AFDN: variants seen among roughly 807,000 people sequenced by gnomAD.
AFDN encodes the protein afadin.
AFDN carries 68 observed loss-of-function variants against 216.6 expected under a neutral mutation model. The observed-to-expected ratio is 0.31, with a 90% CI of 0.26 to 0.38. The LOEUF (loss-of-function observed/expected upper bound fraction) is 0.38. Ranked by LOEUF, AFDN falls within the 10% of genes least tolerant of loss-of-function variation. The pLI is 1.00. For missense variants in AFDN, 2,136 were observed against 2,342.0 expected (o/e 0.91, Z 1.82); for synonymous variants, 868 against 853.7 (o/e 1.02, Z -0.29).
intron 23 of AFDN, among the ~76,000 whole-genome samples, chr6:167,938,169 G>A (rs566276592): frequency 1.3e-5 from 2 of 152,280 alleles, no homozygotes; most frequent in South Asian, 2.1e-4. Flanking sequence ...GGTGAGCCTC[G>A]GAGGTGAATG....
Position 167,969,174 on chromosome 6 carries a change from A to T in AFDN, c.5318A>T (p.Asp1773Val), listed in dbSNP as rs1218732610. The change falls in exon 33 of 34, where the codon GAT becomes GTT. Residue 1773 changes from aspartate to valine, a missense_variant. Transcript: ENST00000683244. Reference sequence around the variant, plus strand: ...GTTGGAGCCCATGACGCCTGTCGGGATGCAAAAGAGAAGCGCTCTAAAAGG... The same window carrying T: ...GTTGGAGCCCATGACGCCTGTCGGGTTGCAAAAGAGAAGCGCTCTAAAAGG... Reference protein sequence around the residue: ...AAVGAHDACRDAKEKRSKSQD... With the variant: ...AAVGAHDACRVAKEKRSKSQD... 6.2e-7 allele frequency: 1 copy of T among 1,613,948 alleles called. No individual in the cohort carries two copies. The highest frequency in any genetic ancestry group is 2.2e-5 in the East Asian group (1 of 44,880).
chr6:167,925,968 G>C (rs1792475012), intron 23 of AFDN, among the ~76,000 whole-genome samples: 1 of 152,108 alleles, frequency 6.6e-6, no homozygotes, highest in South Asian at 2.1e-4. Context: ...TCTATCTCTA[G>C]GGAATATATG....
At chr6:167,867,385 T>C (rs1404446855) in intron 2 of AFDN, among the ~76,000 whole-genome samples, 1 of 152,118 alleles carries the variant, frequency 6.6e-6, no homozygotes, top group Admixed American at 6.5e-5. Context: ...TTTTGATAAC[T>C]AGCATTTCTA....
chr6:167,969,168 G>A lies in AFDN; in HGVS notation c.5312G>A (p.Cys1771Tyr). 1 of 1,614,000 alleles carries A rather than the reference G, an allele frequency of 6.2e-7. No individual in the cohort carries two copies. Among genetic ancestry groups the A allele is most frequent in the Non-Finnish European group, 8.5e-7 (1 of 1,179,886 alleles). ...TGAAVGAHDACRDAKEKRSKS... is the reference protein window; with the variant it reads ...TGAAVGAHDAYRDAKEKRSKS... Reference sequence around the variant, plus strand: ...GCAGCTGTTGGAGCCCATGACGCCTGTCGGGATGCAAAAGAGAAGCGCTCT... The same window carrying A: ...GCAGCTGTTGGAGCCCATGACGCCTATCGGGATGCAAAAGAGAAGCGCTCT... The change falls in exon 33 of 34, where the codon TGT becomes TAT. Residue 1771 changes from cysteine to tyrosine, a missense_variant. Cys to Tyr is a radical substitution (Grantham distance 194). This residue lies in a region of AFDN where 981 missense variants were observed against 966.0 expected (regional missense o/e 1.02). Coordinates refer to ENST00000683244, the MANE Select transcript of AFDN (RefSeq NM_001386888.1).
intron 23 of AFDN, among the ~76,000 whole-genome samples, chr6:167,932,267 T>A (rs1013512631): frequency 2.0e-5 from 3 of 152,184 alleles, no homozygotes; most frequent in Non-Finnish European, 4.4e-5. Context: ...AACCATGTTT[T>A]GATGTTAAGT....
intron 23 of AFDN, 55 bp downstream of exon 23, chr6:167,925,146 A>G (rs1792345331): frequency 7.8e-7 from 1 of 1,280,122 alleles, no homozygotes; most frequent in Admixed American, 1.7e-5. Flanking sequence ...GCATTGAATC[A>G]GTGGTTGTCA....
rs556073553 is a variant in AFDN at position 167,881,651 on chromosome 6, G to T, written c.897+1134G>T. 4.6e-5 allele frequency among the ~76,000 whole-genome samples: 7 copies of T among 152,318 alleles called. No homozygotes were observed. In the South Asian group the frequency reaches 1.4e-3, roughly 32 times the overall value. On this transcript the variant is annotated intron_variant, in intron 6 of 33. Coordinates refer to ENST00000683244, the MANE Select transcript of AFDN (RefSeq NM_001386888.1). ...CTGTAAGAAGTGGCAGACTCCACCGGATTCACTTCCCTACCCTAACTGCTG... is the reference window on the plus strand; with the variant it reads ...CTGTAAGAAGTGGCAGACTCCACCGTATTCACTTCCCTACCCTAACTGCTG...
intron 23 of AFDN, among the ~76,000 whole-genome samples, chr6:167,927,581 A>C (rs1189152033): frequency 6.6e-6 from 1 of 152,206 alleles, no homozygotes; most frequent in Non-Finnish European, 1.5e-5. Flanking sequence ...AAAGGTGGGC[A>C]TCTGTTCAGG....
At chr6:167,948,173 C>T in intron 28 of AFDN, 120 bp from the exon 29 acceptor site, 1 of 907,318 alleles carries the variant, frequency 1.1e-6, no homozygotes, top group South Asian at 1.9e-5. Flanking sequence ...ATGGATCAAA[C>T]ACTTTTTAAT....
chr6:167,963,414 G>A lies in AFDN; in HGVS notation c.4968+847G>A, dbSNP rs948607321. The A allele has an allele frequency of 5.7e-6, 6 of 1,054,250 alleles. No homozygotes were observed. In the Admixed American group the frequency reaches 1.6e-4, roughly 29 times the overall value. The allele number at this position is 1,054,250 out of a possible 1,614,324, so 65.3% of individuals were successfully genotyped here. A position where few individuals can be genotyped will look rare whatever the true frequency, so the allele number is the denominator to read the frequency against. On this transcript the variant is annotated intron_variant, in intron 31 of 33. Coordinates refer to ENST00000683244, the MANE Select transcript of AFDN (RefSeq NM_001386888.1). ...TTTCAGTGTTACAACTTCTGATGGCGGAAAATTTAGTTTTTATTAATAATT... is the reference window on the plus strand; with the variant it reads ...TTTCAGTGTTACAACTTCTGATGGCAGAAAATTTAGTTTTTATTAATAATT...
intron 1 of AFDN, 172 bp from the exon 2 acceptor site, chr6:167,864,379 A>G (rs148885353): frequency 3.8e-6 from 3 of 780,654 alleles, no homozygotes; most frequent in African/African-American, 3.4e-5. Context: ...AACTTGTTCA[A>G]AGTCAGAAAT....
intron 30 of AFDN, chr6:167,954,359 TA>T: frequency 1.1e-6 from 1 of 881,624 alleles, no homozygotes; most frequent in Admixed American, 3.0e-5. Context: ...TGACGCATGA[TA>T]GTGAGAAAAT....
At chr6:167,892,588 TTATTTTGGTAGA>T (rs1446267127) in intron 8 of AFDN, among the ~76,000 whole-genome samples, 1 of 152,154 alleles carries the variant, frequency 6.6e-6, no homozygotes, top group Non-Finnish European at 1.5e-5. Context: ...AATGGACAGT[TTATTTTGGTAGA>T]TAGCAGAGAC....
chr6:167,873,316 C>A (rs1173363064), intron 4 of AFDN, among the ~76,000 whole-genome samples: 1 of 152,108 alleles, frequency 6.6e-6, no homozygotes, highest in African/African-American at 2.4e-5. Context: ...AGAAATGTAA[C>A]CACAGTTTCT....
At chr6:167,910,052 T>A (rs1017079960) in intron 13 of AFDN, among the ~76,000 whole-genome samples, 4 of 152,192 alleles carry the variant, frequency 2.6e-5, no homozygotes, top group African/African-American at 9.7e-5. Flanking sequence ...ATCACATGGC[T>A]AAGTGAAAGA....
chr6:167,932,979 A>C (rs886714634), intron 23 of AFDN, among the ~76,000 whole-genome samples: 9 of 152,162 alleles, frequency 5.9e-5, no homozygotes, highest in African/African-American at 2.2e-4. Context: ...AGCCTTCTGT[A>C]TGCTTCTTAT....
chr6:167,944,789 A>G (rs1430545876), intron 26 of AFDN, among the ~76,000 whole-genome samples: 2 of 152,136 alleles, frequency 1.3e-5, no homozygotes, highest in Admixed American at 6.5e-5. Context: ...GTTAAAAAAA[A>G]AAAAAGTGGA....
At chr6:167,936,004 C>T (rs1309744383) in intron 23 of AFDN, among the ~76,000 whole-genome samples, 7 of 152,092 alleles carry the variant, frequency 4.6e-5, no homozygotes, top group Non-Finnish European at 1.0e-4. Flanking sequence ...TTTCTGCTAG[C>T]TGTGTTTTTT....
In AFDN at chr6:167,891,408, GGTGTGTGT is replaced by G. The variant is rs71004178; in HGVS notation, c.1177+415_1177+422del. Reference sequence around the variant, plus strand: ...CTAGGGCAGATTTCATAAAGGGGTGGGTGTGTGTGTGTGTGTGTGTGTGTGTGTGTGTG... The same window carrying G: ...CTAGGGCAGATTTCATAAAGGGGTGGGTGTGTGTGTGTGTGTGTGTGTGTG... On this transcript the variant is annotated intron_variant, in intron 8 of 33. Coordinates refer to ENST00000683244, the MANE Select transcript of AFDN (RefSeq NM_001386888.1). 6.1e-4 allele frequency among the ~76,000 whole-genome samples: 44 copies of G among 72,110 alleles called. No individual in the cohort carries two copies. The East Asian group carries it at 9.8e-3, about 16-fold the overall frequency. The allele number at this position is 72,110 out of a possible 152,430, so 47.3% of individuals were successfully genotyped here.
Sources: gnomAD v4.1 joint callset for allele counts (sites outside exome capture counted in the v4.1 genomes callset) on GRCh38, gnomAD v4.1.1 for gene constraint, gnomAD v4.1.1 regional missense constraint, MANE v1.5 for transcripts, NCBI Gene and HGNC (gene_info 2026-07-23, HGNC 2026-07-21) for gene names.